PLOD3: variants seen among roughly 807,000 people sequenced by gnomAD.
PLOD3 encodes multifunctional procollagen lysine hydroxylase and glycosyltransferase LH3.
A neutral mutation model predicts 96.9 loss-of-function variants in PLOD3; 73 were observed. The observed-to-expected ratio is 0.75, with a 90% confidence interval of 0.62 to 0.92. The LOEUF is 0.92. PLOD3 is among the 40% of genes least tolerant of loss of function. The probability of loss-of-function intolerance (pLI) is 0.00; values close to 1 mark genes in which losing one functional copy is unlikely to be tolerated. For synonymous variants in PLOD3, 454 were observed against 413.7 expected (o/e 1.10, Z -1.18); for missense variants, 1,004 against 1,004.3 (o/e 1.00, Z 0.00).
intron 17 of PLOD3, among the ~76,000 whole-genome samples, chr7:101,207,314 AGGGAG>A (rs1209882747): frequency 1.3e-5 from 2 of 151,326 alleles, no homozygotes; most frequent in East Asian, 2.0e-4. Context: ...GTCCCTGTCC[AGGGAG>A]GGGAGGGGAG....
intron 9 of PLOD3, 36 bp downstream of exon 9, chr7:101,212,494 G>C (rs1562893916): frequency 1.9e-6 from 3 of 1,610,894 alleles, no homozygotes; most frequent in Non-Finnish European, 8.5e-7. Flanking sequence ...GCAGGGAAAG[G>C]GTCCCTCAGG....
At position 101,215,102 on chromosome 7, in the gene PLOD3, G is replaced by C; in HGVS notation, c.666C>G (p.Leu222=). 12 of 1,612,990 alleles carry C rather than the reference G, an allele frequency of 7.4e-6. No homozygotes were observed. Among genetic ancestry groups the C allele is most frequent in the South Asian group, 1.1e-5 (1 of 91,066 alleles). The part of the protein sequence containing the change: ...LDHKSRIFQN[L]NGALDEVVLK... ...CTTCCTCCTCACCTAAAGCCCCGTT[G>C]AGGTTCTGAAAGATCCGAGACTTAT... Residue 222 remains leucine, a synonymous_variant, in exon 6 of 19, where the codon CTC becomes CTG. Coordinates refer to ENST00000223127, the MANE Select transcript of PLOD3 (RefSeq NM_001084.5).
chr7:101,214,432 C>G (rs1238156179), intron 6 of PLOD3, among the ~76,000 whole-genome samples: 1 of 152,056 alleles, frequency 6.6e-6, no homozygotes, highest in Non-Finnish European at 1.5e-5. Flanking sequence ...TGCCTGGCCT[C>G]TCTCTCTCCC....
At position 101,207,548 on chromosome 7, in the gene PLOD3, G is replaced by C. The variant is rs111638098; in HGVS notation, c.1935+30C>G. ...TGTCCGGGACTGGGGTGGGGAAGGTGGGGAGGCAGCTGGCAGGTGGGCAGC... is the reference window on the plus strand; with the variant it reads ...TGTCCGGGACTGGGGTGGGGAAGGTCGGGAGGCAGCTGGCAGGTGGGCAGC... On this transcript the variant is annotated intron_variant, in intron 17 of 18. Transcript: ENST00000223127. The C allele has an allele frequency of 5.3e-4, 853 of 1,609,026 alleles. 3 individuals carry two copies. The African/African-American group carries it at 9.8e-3, about 18-fold the overall frequency.
chr7:101,216,737 C>T lies in PLOD3; in HGVS notation c.159G>A (p.Leu53=). The T allele has an allele frequency of 6.2e-7, 1 of 1,614,082 alleles. No homozygotes were observed. The change falls in exon 2 of 19, where the codon CTG becomes CTA. Residue 53 remains leucine (L), a synonymous_variant. Transcript: ENST00000223127. ...TVATAETEGY[L]RFLRSAEFFN... ...AGAACTCCGCAGAGCGCAGGAAACG[C>T]AGGTACCCCTCGGTTTCAGCTGTGG...
rs1361810564 is a variant in PLOD3 at position 101,211,685 on chromosome 7, C to T, written c.1264G>A (p.Gly422Ser). ...KVIAPMLSRH[G>S]KLWSNFWGAL... ...CCCCAGAAGTTGGACCACAGCTTGC[C>T]GTGGCGGGACAGCATGGGGGCGATC... Residue 422 changes from glycine to serine, a missense_variant, in exon 12 of 19, where the codon GGC (glycine) becomes AGC (serine). By Grantham distance (56) the Gly-to-Ser change is moderately conservative. Transcript: ENST00000223127. The T allele has an allele frequency of 1.4e-5, 22 of 1,606,810 alleles. No individual in the cohort carries two copies. Among genetic ancestry groups the T allele is most frequent in the Admixed American group, 1.7e-5 (1 of 58,638 alleles).
Position 101,208,941 on chromosome 7 carries a change from T to C in PLOD3, c.1700A>G (p.Tyr567Cys). Residue 567 changes from tyrosine to cysteine, a missense_variant, in exon 16 of 19, where the codon TAC becomes TGC. By Grantham distance (194) the Tyr-to-Cys change is radical. This residue lies in a region of PLOD3 where 65 missense variants were observed against 68.8 expected (regional missense o/e 0.94). Coordinates refer to ENST00000223127, the MANE Select transcript of PLOD3 (RefSeq NM_001084.5). ...GIVEQPCPDVYWFPLLSEQMC... is the reference protein window; with the variant it reads ...GIVEQPCPDVCWFPLLSEQMC... ...TTGTTCTGACAGCAGTGGGAACCAG[T>C]ACACGTCCGGGCATGGCTGAGGATG... The C allele has an allele frequency of 1.2e-6, 2 of 1,613,248 alleles. No homozygotes were observed. The highest frequency in any genetic ancestry group is 1.7e-6 in the Non-Finnish European group (2 of 1,179,298).
At chr7:101,217,055 G>C (rs1421527885) in intron 1 of PLOD3, 111 bp downstream of exon 1, 1 of 1,198,348 alleles carries the variant, frequency 8.3e-7, no homozygotes, top group Non-Finnish European at 1.1e-6. Flanking sequence ...GAGCACGCTG[G>C]GCGGGGGACG....
At chr7:101,206,543 C>T (rs1798087845) in intron 18 of PLOD3, 107 bp from the exon 19 acceptor site, 2 of 1,120,150 alleles carry the variant, frequency 1.8e-6, no homozygotes, top group Non-Finnish European at 1.3e-6. Context: ...GTGCAGCAGA[C>T]CGGGGTGACA....
intron 1 of PLOD3, 181 bp downstream of exon 1, chr7:101,216,985 G>A (rs1798287743): frequency 3.8e-6 from 3 of 789,974 alleles, no homozygotes; most frequent in Middle Eastern, 2.3e-4. Context: ...TGCATAGGGA[G>A]GCTGGAAACC....
chr7:101,210,148 T>C lies in PLOD3; in HGVS notation c.1628A>G (p.Gln543Arg). The change falls in exon 15 of 19, where the codon CAG becomes CGG. Residue 543 changes from glutamine (Q) to arginine (R), a missense_variant. By Grantham distance (43) the Gln-to-Arg change is conservative. This residue lies in a region of PLOD3 where 65 missense variants were observed against 68.8 expected (regional missense o/e 0.94). Coordinates refer to ENST00000223127, the MANE Select transcript of PLOD3 (RefSeq NM_001084.5). Reference sequence around the variant, plus strand: ...CCGGCTGTAGTTCTCGTGGATGTACTGCTCCTTCCAGTCCTGTGAGAGGGT... The same window carrying C: ...CCGGCTGTAGTTCTCGTGGATGTACCGCTCCTTCCAGTCCTGTGAGAGGGT... ...IFDNPVDWKE[Q>R]YIHENYSRAL... is the part of the protein sequence containing the mutation. The C allele has an allele frequency of 1.2e-6, 2 of 1,608,024 alleles. No homozygotes were observed. Among genetic ancestry groups the C allele is most frequent in the South Asian group, 1.1e-5 (1 of 89,958 alleles).
At chr7:101,216,365 G>A (rs1431553233) in intron 3 of PLOD3, 39 bp from the exon 4 acceptor site, 1 of 1,613,618 alleles carries the variant, frequency 6.2e-7, no homozygotes, top group Non-Finnish European at 8.5e-7. Flanking sequence ...GGTCCACTGG[G>A]AACCTCAGCA....
At chr7:101,217,020 G>C in intron 1 of PLOD3, 146 bp downstream of exon 1, 1 of 952,250 alleles carries the variant, frequency 1.1e-6, no homozygotes, top group South Asian at 1.7e-5. Flanking sequence ...TGATGGGCGA[G>C]GGGCTTGGCG....
At chr7:101,216,659 T>G in intron 2 of PLOD3, 36 bp downstream of exon 2, 1 of 1,606,592 alleles carries the variant, frequency 6.2e-7, no homozygotes, top group Non-Finnish European at 8.5e-7. Context: ...CCCCTCCTGC[T>G]GGGACCCCCT....
chr7:101,207,468 A>G lies in PLOD3; in HGVS notation c.1935+110T>C, dbSNP rs370803456. 32 of 1,200,366 alleles carry G rather than the reference A, an allele frequency of 2.7e-5. No individual in the cohort carries two copies. The East Asian group carries it at 3.6e-4, about 13-fold the overall frequency. The allele number at this position is 1,200,366 out of a possible 1,614,324, so 74.4% of individuals were successfully genotyped here. ...AGCGTCTCATTCCCCTGGGAACTAA[A>G]ATGCATGGAGCCCAAATGCTGCCGG... On this transcript the variant is annotated intron_variant, in intron 17 of 18. Coordinates refer to ENST00000223127, the MANE Select transcript of PLOD3 (RefSeq NM_001084.5).
Position 101,217,173 on chromosome 7 carries a change from G to T in PLOD3, c.102C>A (p.Val34=). 6.7e-7 allele frequency: 1 copy of T among 1,487,552 alleles called. No individual in the cohort carries two copies. The highest frequency in any genetic ancestry group is 1.3e-5 in the South Asian group (1 of 76,896). 92.1% of individuals were successfully genotyped at this position (1,487,552 alleles called of 1,614,324 possible). A position where few individuals can be genotyped will look rare whatever the true frequency, so the allele number is the denominator to read the frequency against. The change falls in exon 1 of 19, where the codon GTC becomes GTA. Residue 34 remains valine (V), a synonymous_variant. Transcript: ENST00000223127. ...ASDRPRGRDP[V]NPEKLLVITV... ...GCCTCCCCGGGATCTCACCTGGGTTGACCGGGTCTCGGCCCCGGGGCCGGT... is the reference window on the plus strand; with the variant it reads ...GCCTCCCCGGGATCTCACCTGGGTTTACCGGGTCTCGGCCCCGGGGCCGGT...
chr7:101,213,165 A>G lies in PLOD3; in HGVS notation c.719T>C (p.Ile240Thr), dbSNP rs772738908. ...GAGCGTGTCGTAGGCCACGTTCCGG[A>G]TACGCACACGGTTCCGATCAAACTT... The part of the protein sequence containing the change: ...VLKFDRNRVR[I>T]RNVAYDTLPI... The change falls in exon 7 of 19, where the codon ATC becomes ACC. Residue 240 changes from isoleucine to threonine, a missense_variant. Ile to Thr is a moderately conservative substitution (Grantham distance 89). Transcript: ENST00000223127. 3 of 1,613,842 alleles carry G rather than the reference A, an allele frequency of 1.9e-6. No homozygotes were observed. The highest frequency in any genetic ancestry group is 2.5e-6 in the Non-Finnish European group (3 of 1,179,808).
At position 101,208,932 on chromosome 7, in the gene PLOD3, G is replaced by A. The variant is rs2116797461; in HGVS notation, c.1709C>T (p.Pro570Leu). The change falls in exon 16 of 19, where the codon CCA becomes CTA. Residue 570 changes from proline (P) to leucine (L), a missense_variant. Transcript: ENST00000223127. ...EQPCPDVYWF[P>L]LLSEQMCDEL... is the part of the protein sequence containing the mutation. ...ATCACACATTTGTTCTGACAGCAGT[G>A]GGAACCAGTACACGTCCGGGCATGG... 1 of 1,613,626 alleles carries A rather than the reference G, an allele frequency of 6.2e-7. No homozygotes were observed.
chr7:101,211,567 G>A, intron 12 of PLOD3, 24 bp downstream of exon 12: 1 of 1,595,404 alleles, frequency 6.3e-7, no homozygotes, highest in East Asian at 2.3e-5. Flanking sequence ...AGGAGGCGGG[G>A]GGCTGCAGGC....
Sources: allele counts gnomAD v4.1 joint callset (sites outside exome capture counted in the v4.1 genomes callset), GRCh38; gene constraint gnomAD v4.1.1; regional missense constraint gnomAD v4.1.1; transcripts MANE v1.5; gene names NCBI Gene and HGNC (gene_info 2026-07-23, HGNC 2026-07-21).